Variants in IMMP2L observed in about 807,000 individuals in gnomAD.
The protein encoded by IMMP2L is inner mitochondrial membrane peptidase subunit 2.
IMMP2L carries 18 observed loss-of-function variants against 19.3 expected under a neutral mutation model. That is an observed-to-expected ratio of 0.93 (90% CI 0.64 to 1.38). IMMP2L has a LOEUF of 1.38. Among genes scored for constraint, IMMP2L ranks in the 40% most tolerant of loss-of-function variants. IMMP2L has a pLI of 0.00. For synonymous variants in IMMP2L, 76 were observed against 73.0 expected (o/e 1.04, Z -0.21); for missense variants, 233 against 218.2 (o/e 1.07, Z -0.43).
intron 3 of IMMP2L, among the ~76,000 whole-genome samples, chr7:111,471,488 T>C (rs1841266353): frequency 6.6e-6 from 1 of 152,110 alleles, no homozygotes; most frequent in African/African-American, 2.4e-5. Flanking sequence ...ACACTTGAAA[T>C]GCAACTAGTC....
intron 3 of IMMP2L, among the ~76,000 whole-genome samples, chr7:110,997,668 AT>A (rs943120282): frequency 6.6e-6 from 1 of 151,408 alleles, no homozygotes; most frequent in South Asian, 2.1e-4. Context: ...CTTTTCAGTG[AT>A]TTTTTTTCTG....
intron 3 of IMMP2L, among the ~76,000 whole-genome samples, chr7:111,132,819 T>C (rs1000213377): frequency 6.6e-6 from 1 of 152,046 alleles, no homozygotes; most frequent in Admixed American, 6.6e-5. Context: ...ATCATCTATA[T>C]GTCTGAGTGA....
intron 3 of IMMP2L, among the ~76,000 whole-genome samples, chr7:110,969,273 G>A (rs374108892): frequency 2.0e-5 from 3 of 151,936 alleles, no homozygotes; most frequent in South Asian, 2.1e-4. Context: ...ATTCAATACC[G>A]TTTCATTAAT....
chr7:110,876,095 G>A (rs10487295), intron 5 of IMMP2L, among the ~76,000 whole-genome samples: 6,097 of 152,076 alleles, frequency 0.04, 393 homozygotes, highest in African/African-American at 0.14. Flanking sequence ...TTCCCACAAT[G>A]TGTTGATGTA....
intron 3 of IMMP2L, among the ~76,000 whole-genome samples, chr7:111,227,836 G>C (rs572961188): frequency 1.4e-4 from 22 of 152,158 alleles, no homozygotes; most frequent in African/African-American, 5.1e-4. Context: ...ATATCACATA[G>C]TAACCCATTT....
chr7:111,003,366 T>C (rs2129561650), intron 3 of IMMP2L, among the ~76,000 whole-genome samples: 1 of 152,310 alleles, frequency 6.6e-6, no homozygotes, highest in Non-Finnish European at 1.5e-5. Flanking sequence ...TATTTATTTA[T>C]ATAATCAAAA....
At chr7:110,777,330 C>T (rs961264850) in intron 5 of IMMP2L, among the ~76,000 whole-genome samples, 5 of 151,868 alleles carry the variant, frequency 3.3e-5, no homozygotes, top group South Asian at 2.1e-4. Flanking sequence ...GACAACCCCA[C>T]GAGCCATGTT....
At chr7:110,853,858 G>A (rs562159566) in intron 5 of IMMP2L, among the ~76,000 whole-genome samples, 1 of 151,998 alleles carries the variant, frequency 6.6e-6, no homozygotes, top group African/African-American at 2.4e-5. Context: ...CAGGTTACCT[G>A]GAAAACCTAT....
chr7:111,258,066 A>C (rs10487307), intron 3 of IMMP2L, among the ~76,000 whole-genome samples: 6,654 of 152,214 alleles, frequency 0.044, 223 homozygotes, highest in South Asian at 0.083. Context: ...TGATTTAATA[A>C]TTAAGCAAGG....
intron 4 of IMMP2L, among the ~76,000 whole-genome samples, chr7:110,895,697 G>A (rs1811251807): frequency 2.0e-5 from 3 of 152,096 alleles, no homozygotes; most frequent in Non-Finnish European, 2.9e-5. Context: ...CTTTGAAGAT[G>A]TTTCTGTTCT....
intron 3 of IMMP2L, among the ~76,000 whole-genome samples, chr7:111,076,396 G>A (rs1795415246): frequency 6.6e-6 from 1 of 152,162 alleles, no homozygotes; most frequent in Non-Finnish European, 1.5e-5. Flanking sequence ...TAACATTTTT[G>A]TGGAGGTTTG....
chr7:110,936,843 T>C (rs1446812706), intron 4 of IMMP2L, among the ~76,000 whole-genome samples: 3 of 152,108 alleles, frequency 2.0e-5, no homozygotes, highest in South Asian at 2.1e-4. Flanking sequence ...ATGTGGTACA[T>C]ATACACCATG....
chr7:111,148,485 C>T (rs182027798), intron 3 of IMMP2L, among the ~76,000 whole-genome samples: 40 of 151,982 alleles, frequency 2.6e-4, no homozygotes, highest in Non-Finnish European at 4.7e-4. Context: ...CATGGAATTA[C>T]GTACATTAAA....
At chr7:111,224,342 C>T (rs976519745) in intron 3 of IMMP2L, among the ~76,000 whole-genome samples, 1 of 152,024 alleles carries the variant, frequency 6.6e-6, no homozygotes, top group Non-Finnish European at 1.5e-5. Context: ...ACTTAATGGC[C>T]TCAGCAAATG....
chr7:111,257,120 T>G (rs1222123691), intron 3 of IMMP2L, among the ~76,000 whole-genome samples: 1 of 152,116 alleles, frequency 6.6e-6, no homozygotes, highest in African/African-American at 2.4e-5. Flanking sequence ...TTTCTCAGAT[T>G]CTAAAAGAGA....
At chr7:110,851,216 CTT>C (rs779371832) in intron 5 of IMMP2L, among the ~76,000 whole-genome samples, 3 of 152,192 alleles carry the variant, frequency 2.0e-5, no homozygotes, top group Admixed American at 1.3e-4. Flanking sequence ...AATTCTAAAA[CTT>C]ATTTTAGCAA....
At chr7:110,664,128 A>G (rs978499821) in intron 5 of IMMP2L, among the ~76,000 whole-genome samples, 4 of 152,164 alleles carry the variant, frequency 2.6e-5, no homozygotes, top group Non-Finnish European at 5.9e-5. Context: ...TCAAGAGCCT[A>G]TTTGCATAGA....
chr7:111,105,011 A>G (rs962857780), intron 3 of IMMP2L, among the ~76,000 whole-genome samples: 3 of 151,794 alleles, frequency 2.0e-5, no homozygotes, highest in African/African-American at 4.8e-5. Flanking sequence ...TACTTGCCAG[A>G]ATGCAAAGAG....
chr7:110,826,677 G>T (rs1803526576), intron 5 of IMMP2L, among the ~76,000 whole-genome samples: 1 of 151,946 alleles, frequency 6.6e-6, no homozygotes, highest in Non-Finnish European at 1.5e-5. Flanking sequence ...TCACACACTG[G>T]GGCCTGTCAT....
Sources: gnomAD v4.1 joint callset for allele counts (sites outside exome capture counted in the v4.1 genomes callset) on GRCh38, gnomAD v4.1.1 for gene constraint, MANE v1.5 for transcripts, NCBI Gene and HGNC (gene_info 2026-07-23, HGNC 2026-07-21) for gene names.